KRABD3: variants seen among roughly 807,000 people sequenced by gnomAD.
KRABD3 encodes the protein KRAB domain containing 3.
chr7:149,720,081 C>A, the KRABD3 span: 1 of 1,553,030 alleles, frequency 6.4e-7, no homozygotes, highest in Non-Finnish European at 8.7e-7. Flanking sequence ...GGGGAGGGAG[C>A]CACGCTGATG....
At chr7:149,727,757 C>T in the KRABD3 span, among the ~76,000 whole-genome samples, 1 of 152,230 alleles carries the variant, frequency 6.6e-6, no homozygotes, top group African/African-American at 2.4e-5. Context: ...TTCCAGCCAA[C>T]TCCCGGCTCC....
the KRABD3 span, chr7:149,733,147 T>G: frequency 3.3e-6 from 5 of 1,530,670 alleles, no homozygotes; most frequent in East Asian, 1.1e-4. Context: ...ATGGGACCTC[T>G]GGGGAGAGAA....
At chr7:149,734,298 C>G in the KRABD3 span, 1 of 531,424 alleles carries the variant, frequency 1.9e-6, no homozygotes, top group South Asian at 2.5e-5. Flanking sequence ...CTTCCCTCTC[C>G]TGTCTTTCCC....
chr7:149,724,070 G>A, the KRABD3 span, among the ~76,000 whole-genome samples: 336 of 152,286 alleles, frequency 2.2e-3, no homozygotes, highest in African/African-American at 7.6e-3. Flanking sequence ...GGAGGGGCTC[G>A]GTCAGCGCTT....
chr7:149,719,803 C>G, the KRABD3 span: 2 of 1,257,720 alleles, frequency 1.6e-6, no homozygotes, highest in Non-Finnish European at 2.2e-6. This position sits in a 1 kb window ranked among gnomAD's most constrained non-coding sequence, Gnocchi z 5.6. Flanking sequence ...CACGCTGCTG[C>G]TATTCTATGT....
chr7:149,730,479 C>A, the KRABD3 span: 2,364 of 1,608,290 alleles, frequency 1.5e-3, 6 homozygotes, highest in Non-Finnish European at 1.5e-3. Context: ...TCCCCATGTC[C>A]TGGTGGGACC....
At chr7:149,717,929 G>A in the KRABD3 span, among the ~76,000 whole-genome samples, 1 of 152,166 alleles carries the variant, frequency 6.6e-6, no homozygotes, top group Non-Finnish European at 1.5e-5. Flanking sequence ...CTCCCAAGTA[G>A]CTGTGATTAC....
At chr7:149,731,515 A>G in the KRABD3 span, among the ~76,000 whole-genome samples, 1 of 152,222 alleles carries the variant, frequency 6.6e-6, no homozygotes, top group Non-Finnish European at 1.5e-5. Flanking sequence ...GGGCCCTGCC[A>G]CCAGAATTAG....
At chr7:149,729,468 A>G in the KRABD3 span, 1 of 1,287,064 alleles carries the variant, frequency 7.8e-7, no homozygotes, top group African/African-American at 1.5e-5. Flanking sequence ...TTTCTTCCCC[A>G]TCTCTCATCC....
the KRABD3 span, chr7:149,734,028 C>T: frequency 3.7e-6 from 6 of 1,606,690 alleles, no homozygotes; most frequent in African/African-American, 2.7e-5. Flanking sequence ...CACAGGGACC[C>T]GAGATGGGGG....
chr7:149,723,874 A>C, the KRABD3 span: 1 of 1,613,566 alleles, frequency 6.2e-7, no homozygotes. Context: ...AGGAGCCTGG[A>C]AAAGGGGTTC....
the KRABD3 span, chr7:149,730,739 G>A: frequency 7.6e-5 from 62 of 813,326 alleles, no homozygotes; most frequent in Non-Finnish European, 1.1e-4. Flanking sequence ...GAAGGAGGGC[G>A]GGGCTGCTGG....
chr7:149,725,976 A>G, the KRABD3 span: 1 of 1,609,760 alleles, frequency 6.2e-7, no homozygotes, highest in Non-Finnish European at 8.5e-7. Context: ...AGGAACCCCC[A>G]CCAGCTTCTC....
At chr7:149,715,205 G>A in the KRABD3 span, 1 of 1,218,452 alleles carries the variant, frequency 8.2e-7, no homozygotes, top group Non-Finnish European at 1.0e-6. Flanking sequence ...GGTTCGTGCC[G>A]GGAAGTTCAG....
chr7:149,725,976 A>C, the KRABD3 span: 9 of 1,609,758 alleles, frequency 5.6e-6, no homozygotes, highest in East Asian at 6.7e-5. Context: ...AGGAACCCCC[A>C]CCAGCTTCTC....
the KRABD3 span, chr7:149,733,335 A>C: frequency 2.5e-6 from 4 of 1,612,200 alleles, no homozygotes; most frequent in Non-Finnish European, 3.4e-6. Flanking sequence ...CCGCCATGCC[A>C]CTGTGGGAAG....
the KRABD3 span, chr7:149,733,773 G>A: frequency 6.3e-7 from 1 of 1,596,342 alleles, no homozygotes; most frequent in East Asian, 2.3e-5. Flanking sequence ...TCTACACCCA[G>A]CTGCCATGCT....
At chr7:149,721,456 C>G in the KRABD3 span, 1 of 1,613,074 alleles carries the variant, frequency 6.2e-7, no homozygotes, top group Non-Finnish European at 8.5e-7. Context: ...GCCAGCCCCA[C>G]CTGGCCACCA....
At chr7:149,725,295 G>A in the KRABD3 span, 1 of 1,554,098 alleles carries the variant, frequency 6.4e-7, no homozygotes. Flanking sequence ...ATGGTAACAG[G>A]GTGCTCTCTC....
Sources: gnomAD v4.1 joint callset for allele counts (sites outside exome capture counted in the v4.1 genomes callset) on GRCh38, gnomAD v4.1.1 for gene constraint, Gnocchi (gnomAD v3.1) non-coding constraint, MANE v1.5 for transcripts, NCBI Gene and HGNC (gene_info 2026-07-23, HGNC 2026-07-21) for gene names.